The following AZIN2 variants were observed in gnomAD, a reference collection of about 807,000 sequenced individuals.
AZIN2 encodes antizyme inhibitor 2.
Under a neutral mutation model 47.8 loss-of-function variants are expected in AZIN2, and 28 were observed. That is an observed-to-expected ratio of 0.59 (90% CI 0.43 to 0.80). The LOEUF is 0.80. Ranked by LOEUF, AZIN2 falls within the 30% of genes least tolerant of loss-of-function variation. The pLI is 0.00. For missense variants in AZIN2, 535 were observed against 582.5 expected (o/e 0.92, Z 0.84); for synonymous variants, 221 against 239.4 (o/e 0.92, Z 0.71).
chr1:33,098,702 A>G (rs1643404699), intron 10 of AZIN2, among the ~76,000 whole-genome samples: 1 of 152,116 alleles, frequency 6.6e-6, no homozygotes, highest in South Asian at 2.1e-4. Flanking sequence ...GGCATCTTTG[A>G]GAGGATAAAG....
chr1:33,118,914 A>G (rs1644689722), intron 11 of AZIN2: 1 of 152,168 alleles, frequency 6.6e-6, no homozygotes, highest in South Asian at 2.1e-4. Flanking sequence ...CACCCACACA[A>G]CACTCTGTGG....
At chr1:33,129,905 G>C in the AZIN2 span, among the ~76,000 whole-genome samples, 12 of 152,108 alleles carry the variant, frequency 7.9e-5, no homozygotes. This position sits in a 1 kb window ranked among gnomAD's most constrained non-coding sequence, Gnocchi z 4.1. Flanking sequence ...TGTTGGTCAG[G>C]CTGGAGTGCA....
At chr1:33,136,937 C>T in the AZIN2 span, among the ~76,000 whole-genome samples, 1 of 150,972 alleles carries the variant, frequency 6.6e-6, no homozygotes. Flanking sequence ...GCAGAGGTTG[C>T]AGTGAGCTGA....
intron 5 of AZIN2, among the ~76,000 whole-genome samples, chr1:33,090,898 T>C (rs1642475891): frequency 1.3e-5 from 2 of 152,194 alleles, no homozygotes; most frequent in African/African-American, 2.4e-5. Flanking sequence ...CTATGCTGCT[T>C]CTCTGAGTTT....
chr1:33,128,777 TG>T, the AZIN2 span, among the ~76,000 whole-genome samples: 2 of 152,212 alleles, frequency 1.3e-5, no homozygotes, highest in African/African-American at 2.4e-5. Flanking sequence ...TCAGAATGGA[TG>T]GCTTCAAGAT....
intron 10 of AZIN2, among the ~76,000 whole-genome samples, chr1:33,111,736 G>A (rs747338024): frequency 5.3e-5 from 8 of 151,800 alleles, no homozygotes; most frequent in Non-Finnish European, 1.0e-4. Context: ...CAGGTAGCTG[G>A]GTTTACAGGC....
chr1:33,143,395 C>A, the AZIN2 span, among the ~76,000 whole-genome samples: 1 of 152,114 alleles, frequency 6.6e-6, no homozygotes, highest in Non-Finnish European at 1.5e-5. Context: ...AAAGACAGAT[C>A]CACTGAGCCA....
chr1:33,148,924 T>A, the AZIN2 span, among the ~76,000 whole-genome samples: 2 of 152,080 alleles, frequency 1.3e-5, no homozygotes. Context: ...CTAACCAAGG[T>A]CGTCTGCAAT....
the AZIN2 span, among the ~76,000 whole-genome samples, chr1:33,150,426 G>A: frequency 6.6e-6 from 1 of 152,260 alleles, no homozygotes; most frequent in Admixed American, 6.5e-5. Context: ...CACTGGACCA[G>A]TGACCTATAT....
At chr1:33,094,949 A>C (rs1199838108) in intron 8 of AZIN2, among the ~76,000 whole-genome samples, 1 of 152,192 alleles carries the variant, frequency 6.6e-6, no homozygotes, top group African/African-American at 2.4e-5. Flanking sequence ...CCTGCCATGC[A>C]CTTCAGCCAA....
chr1:33,149,690 A>G, the AZIN2 span, among the ~76,000 whole-genome samples: 4 of 152,200 alleles, frequency 2.6e-5, no homozygotes, highest in Non-Finnish European at 4.4e-5. Flanking sequence ...CCTGGCCTCA[A>G]GTGATCCTGC....
chr1:33,162,637 GC>G, the AZIN2 span, among the ~76,000 whole-genome samples: 461 of 152,296 alleles, frequency 3.0e-3, no homozygotes, highest in African/African-American at 0.011. Flanking sequence ...GCAGGCTCCA[GC>G]TTCTTTCCAG....
intron 5 of AZIN2, among the ~76,000 whole-genome samples, chr1:33,084,899 C>T (rs1641715515): frequency 6.6e-6 from 1 of 152,176 alleles, no homozygotes; most frequent in Admixed American, 6.5e-5. Flanking sequence ...CGCGCATAGC[C>T]ACTTTAGATT....
At chr1:33,133,392 C>T in the AZIN2 span, among the ~76,000 whole-genome samples, 3 of 152,212 alleles carry the variant, frequency 2.0e-5, no homozygotes, top group African/African-American at 7.2e-5. Context: ...GGGTGTTTTG[C>T]ACAATAAGAC....
rs758150984 is a variant in AZIN2, at chr1:33,092,118, G to A, written c.348G>A (p.Lys116=). 1.9e-6 allele frequency: 3 copies of A among 1,614,094 alleles called. No homozygotes were observed. The highest frequency in any genetic ancestry group is 1.7e-5 in the Admixed American group (1 of 60,010). The change falls in exon 6 of 12, where the codon AAG becomes AAA. Residue 116 remains lysine, a synonymous_variant. Coordinates refer to ENST00000294517, the MANE Select transcript of AZIN2 (RefSeq NM_052998.4). The part of the protein sequence containing the change: ...ASKIICANPC[K]QIAQIKYAAK... The stretch of plus-strand genomic sequence containing the variant: ...AGATCATCTGCGCCAACCCCTGTAA[G>A]CAAATTGCACAGATCAAATATGCTG...
At chr1:33,094,508 G>T in intron 7 of AZIN2, 40 bp from the exon 8 acceptor site, 2 of 1,588,154 alleles carry the variant, frequency 1.3e-6, no homozygotes, top group Non-Finnish European at 1.7e-6. Flanking sequence ...GTGGCACTTG[G>T]AGCCCTGCAT....
chr1:33,123,401 A>C lies in AZIN2; in HGVS notation c.*3219A>C, dbSNP rs950912729. Among the ~76,000 whole-genome samples the C allele has an allele frequency of 6.6e-6, 1 of 152,248 alleles. No homozygotes were observed. The highest frequency in any genetic ancestry group is 2.4e-5 in the African/African-American group (1 of 41,470). Reference sequence around the variant, plus strand: ...TTTCACTGCTGTGTCCTTATTACCTAGAACGGAGTAGGTGTTCAAAAAGTA... The same window carrying C: ...TTTCACTGCTGTGTCCTTATTACCTCGAACGGAGTAGGTGTTCAAAAAGTA... On this transcript the variant is annotated 3_prime_UTR_variant, in exon 12 of 12. Transcript: ENST00000294517.
the AZIN2 span, among the ~76,000 whole-genome samples, chr1:33,151,150 G>C: frequency 0.22 from 33,752 of 152,052 alleles, 3,842 homozygotes; most frequent in South Asian, 0.3. Flanking sequence ...GCTCTCCGTG[G>C]GTCTGAGACC....
intron 10 of AZIN2, among the ~76,000 whole-genome samples, chr1:33,099,536 A>G (rs1469757471): frequency 1.3e-5 from 2 of 151,786 alleles, no homozygotes; most frequent in Non-Finnish European, 2.9e-5. Flanking sequence ...CCTCTCCAGT[A>G]CTCGTCTTCC....
Sources: gnomAD v4.1 joint callset for allele counts (sites outside exome capture counted in the v4.1 genomes callset) on GRCh38, gnomAD v4.1.1 for gene constraint, Gnocchi (gnomAD v3.1) non-coding constraint, MANE v1.5 for transcripts, NCBI Gene and HGNC (gene_info 2026-07-23, HGNC 2026-07-21) for gene names.